The following UNC5D variants were observed in gnomAD, a reference collection of about 807,000 sequenced individuals.
UNC5D encodes unc-5 netrin receptor D, also known as netrin receptor UNC5D.
Under a neutral mutation model 105.4 loss-of-function variants are expected in UNC5D, and 39 were observed. The ratio of observed to expected loss-of-function variants is 0.37; its 90% CI spans 0.29 to 0.48. The LOEUF (loss-of-function observed/expected upper bound fraction) is 0.48, where lower values mean the gene tolerates loss of function less well. Ranked by LOEUF, UNC5D falls within the 20% of genes least tolerant of loss-of-function variation. UNC5D has a pLI of 0.98. For synonymous variants in UNC5D, 452 were observed against 450.4 expected, an observed-to-expected ratio of 1.00 and a Z score of -0.04; for missense variants, 991 against 1,202.4, an observed-to-expected ratio of 0.82 and a Z score of 2.60.
chr8:35,790,594 C>T lies in UNC5D; in HGVS notation c.*31C>T. On this transcript the variant is annotated 3_prime_UTR_variant, in exon 17 of 17. Coordinates refer to ENST00000404895, the MANE Select transcript of UNC5D (RefSeq NM_080872.4). ...TTCCTCCCATGAGACAGAGTGATGG[C>T]CAGCTTGGGGACATTTGCTTTAAAT... 6.2e-7 allele frequency: 1 copy of T among 1,610,976 alleles called. No homozygotes were observed. The highest frequency in any genetic ancestry group is 1.7e-4 in the Middle Eastern group (1 of 5,844).
intron 4 of UNC5D, among the ~76,000 whole-genome samples, chr8:35,623,639 A>T (rs1821502172): frequency 6.6e-6 from 1 of 152,202 alleles, no homozygotes; most frequent in Admixed American, 6.5e-5. Context: ...AAGGGATTAG[A>T]CAAGTGTTGC....
intron 1 of UNC5D, among the ~76,000 whole-genome samples, chr8:35,296,196 C>T (rs1319766946): frequency 1.3e-5 from 2 of 152,158 alleles, no homozygotes; most frequent in African/African-American, 4.8e-5. Context: ...TTGCTGGTTA[C>T]ATGGTAGCTT....
rs1802139888 is a variant in UNC5D at position 35,774,299 on chromosome 8, A to C, written c.2479A>C (p.Ser827Arg). Residue 827 changes from serine to arginine, a missense_variant and splice_region_variant, in exon 16 of 17, where the codon AGT (serine) becomes CGT (arginine). Around this residue, in one of 3 missense-constraint regions of UNC5D, gnomAD observed 944 missense variants for 1,131.6 expected, o/e 0.83. Coordinates refer to ENST00000404895, the MANE Select transcript of UNC5D (RefSeq NM_080872.4). ...CATGCGTTCCTTATTTTGTTTATAGAGTGAACGAGAAACCATCACTTTCTT... is the reference window on the plus strand; with the variant it reads ...CATGCGTTCCTTATTTTGTTTATAGCGTGAACGAGAAACCATCACTTTCTT... ...ILQVQTSILE[S>R]ERETITFFAQ... 6.2e-7 allele frequency: 1 copy of C among 1,613,950 alleles called. No homozygotes were observed.
chr8:35,269,565 C>T (rs370391777), intron 1 of UNC5D, among the ~76,000 whole-genome samples: 37 of 152,248 alleles, frequency 2.4e-4, no homozygotes, highest in African/African-American at 8.2e-4. Flanking sequence ...GTTTATCTTT[C>T]CCAGTAATAC....
At chr8:35,373,972 C>T (rs562300879) in intron 1 of UNC5D, among the ~76,000 whole-genome samples, 42 of 152,104 alleles carry the variant, frequency 2.8e-4, no homozygotes, top group African/African-American at 6.3e-4. Flanking sequence ...GGGAAGGGAG[C>T]GCAAGGGAGT....
In UNC5D at chr8:35,460,707, T is replaced by G. The variant is rs139799154; in HGVS notation, c.104-88585T>G. Among the ~76,000 whole-genome samples the G allele has an allele frequency of 3.8e-3, 579 of 152,356 alleles. 1 individual carries two copies. The highest frequency in any genetic ancestry group is 0.014 in the Middle Eastern group (4 of 294). ...AAGCTGCTTGAAGCCTTTGCACGCA[T>G]GTTGGAGACAATTTTCCTTATCTAT... On this transcript the variant is annotated intron_variant, in intron 1 of 16. Coordinates refer to ENST00000404895, the MANE Select transcript of UNC5D (RefSeq NM_080872.4).
chr8:35,606,574 C>T, intron 4 of UNC5D, among the ~76,000 whole-genome samples: 1 of 152,136 alleles, frequency 6.6e-6, no homozygotes, highest in Admixed American at 6.5e-5. Context: ...TCTTCCTCCT[C>T]CCACCCTCTC....
intron 1 of UNC5D, among the ~76,000 whole-genome samples, chr8:35,401,164 A>G (rs1804433531): frequency 6.6e-6 from 1 of 152,106 alleles, no homozygotes; most frequent in Non-Finnish European, 1.5e-5. Context: ...ATACTGCTAT[A>G]AAAAACAAGG....
Position 35,403,698 on chromosome 8 carries a change from G to A in UNC5D, c.104-145594G>A, listed in dbSNP as rs375590382. Among the ~76,000 whole-genome samples, 29 of 152,264 alleles carry A rather than the reference G, an allele frequency of 1.9e-4. 1 individual carries two copies. Among genetic ancestry groups the A allele is most frequent in the Non-Finnish European group, 8.8e-5 (6 of 68,022 alleles). On this transcript the variant is annotated intron_variant, in intron 1 of 16. Coordinates refer to ENST00000404895, the MANE Select transcript of UNC5D (RefSeq NM_080872.4). ...AGCATTTTGGACTTTTGGGTTTTTC[G>A]ATTAGGGATGCTCAACCCATACCTC...
At chr8:35,683,250 T>A (rs1360862670) in intron 4 of UNC5D, among the ~76,000 whole-genome samples, 2 of 152,228 alleles carry the variant, frequency 1.3e-5, no homozygotes, top group African/African-American at 2.4e-5. Context: ...TGAAATGGCC[T>A]AATTGCAGTC....
At chr8:35,368,457 C>T (rs1802256813) in intron 1 of UNC5D, among the ~76,000 whole-genome samples, 1 of 151,972 alleles carries the variant, frequency 6.6e-6, no homozygotes, top group Admixed American at 6.6e-5. Context: ...ATATTACCTG[C>T]TAAAAGCAAA....
At chr8:35,328,557 T>G (rs2128892171) in intron 1 of UNC5D, among the ~76,000 whole-genome samples, 1 of 152,310 alleles carries the variant, frequency 6.6e-6, no homozygotes, top group Non-Finnish European at 1.5e-5. Flanking sequence ...ATTATCCAAC[T>G]TGTGCTTCAA....
intron 1 of UNC5D, among the ~76,000 whole-genome samples, chr8:35,323,503 A>G (rs1275585866): frequency 6.6e-6 from 1 of 152,160 alleles, no homozygotes; most frequent in Non-Finnish European, 1.5e-5. Context: ...TCTAGAGAAT[A>G]TAAACTATGA....
chr8:35,537,367 A>G (rs1814916358), intron 1 of UNC5D, among the ~76,000 whole-genome samples: 1 of 152,184 alleles, frequency 6.6e-6, no homozygotes, highest in Non-Finnish European at 1.5e-5. Flanking sequence ...GCCTGAGTCA[A>G]TTTGCATACT....
At chr8:35,787,691 C>T (rs1193923499) in intron 16 of UNC5D, among the ~76,000 whole-genome samples, 2 of 152,152 alleles carry the variant, frequency 1.3e-5, no homozygotes, top group East Asian at 3.9e-4. Flanking sequence ...AATCATAGCT[C>T]TCTGCAGCTT....
At chr8:35,474,823 C>T (rs962543785) in intron 1 of UNC5D, among the ~76,000 whole-genome samples, 1 of 152,180 alleles carries the variant, frequency 6.6e-6, no homozygotes, top group African/African-American at 2.4e-5. Context: ...ACTAATAAAA[C>T]TTTCTATAAG....
At chr8:35,557,898 G>A (rs781170008) in intron 2 of UNC5D, among the ~76,000 whole-genome samples, 35 of 152,178 alleles carry the variant, frequency 2.3e-4, no homozygotes, top group Non-Finnish European at 4.3e-4. Flanking sequence ...TTGGGAGGCC[G>A]AGGCGGGTGG....
chr8:35,434,263 G>T (rs1806854283), intron 1 of UNC5D, among the ~76,000 whole-genome samples: 1 of 151,986 alleles, frequency 6.6e-6, no homozygotes, highest in Non-Finnish European at 1.5e-5. Context: ...AATAAATTTG[G>T]TAACATTTTA....
intron 1 of UNC5D, among the ~76,000 whole-genome samples, chr8:35,539,971 A>C (rs1815149161): frequency 6.6e-6 from 1 of 152,232 alleles, no homozygotes; most frequent in Admixed American, 6.5e-5. Flanking sequence ...AAGAGTGAAA[A>C]ATATGAGAAT....
Sources: allele counts gnomAD v4.1 joint callset (sites outside exome capture counted in the v4.1 genomes callset), GRCh38; gene constraint gnomAD v4.1.1; regional missense constraint gnomAD v4.1.1; transcripts MANE v1.5; gene names NCBI Gene and HGNC (gene_info 2026-07-23, HGNC 2026-07-21).